FBXO31: variants seen among roughly 807,000 people sequenced by gnomAD.
FBXO31 encodes F-box protein 31, also known as F-box only protein 31.
In FBXO31, 24 loss-of-function variants were observed where a neutral mutation model predicts 54.4. The observed-to-expected ratio is 0.44, with a 90% CI of 0.32 to 0.62. The LOEUF (loss-of-function observed/expected upper bound fraction) is 0.62, where lower values mean the gene tolerates loss of function less well. Among genes scored for constraint, FBXO31 ranks in the 20% least tolerant of loss-of-function variants. FBXO31 has a pLI of 0.05. For synonymous variants in FBXO31, 388 were observed against 335.6 expected (o/e 1.16, Z -1.71); for missense variants, 665 against 787.1 (o/e 0.84, Z 1.86).
chr16:87,352,284 C>T (rs1905695500), intron 2 of FBXO31, among the ~76,000 whole-genome samples: 2 of 152,132 alleles, frequency 1.3e-5, no homozygotes, highest in Non-Finnish European at 2.9e-5. Context: ...CTGCTTTGAA[C>T]GTTACGCAGT....
intron 4 of FBXO31, 151 bp downstream of exon 4, chr16:87,343,447 C>T (rs1053811233): frequency 4.4e-5 from 41 of 937,890 alleles, no homozygotes; most frequent in Middle Eastern, 3.4e-4. Context: ...GAGGCGTAAA[C>T]AATGCACAGC....
In FBXO31 at chr16:87,331,488, C is replaced by T; in HGVS notation, c.1420G>A (p.Ala474Thr). ...TCAGGGCTGGTGAAGCCGTGGCCCG[C>T]GATGAGGCCTGTGCCATAAAAACTG... ...RMCFYGTGLI[A>T]GHGFTSPERT... Residue 474 changes from alanine (A) to threonine (T), a missense_variant, in exon 9 of 9, where the codon GCG becomes ACG. By Grantham distance (58) the Ala-to-Thr change is moderately conservative (BLOSUM62 0). Transcript: ENST00000311635. 6.2e-7 allele frequency: 1 copy of T among 1,610,002 alleles called. No homozygotes were observed. Among genetic ancestry groups the T allele is most frequent in the Non-Finnish European group, 8.5e-7 (1 of 1,177,410 alleles).
At chr16:87,342,837 G>C in intron 5 of FBXO31, 40 bp downstream of exon 5, 1 of 1,552,666 alleles carries the variant, frequency 6.4e-7, no homozygotes. Context: ...GAAAGGAAAG[G>C]TCCGCACCAT....
At chr16:87,379,730 G>A (rs750841879) in intron 1 of FBXO31, among the ~76,000 whole-genome samples, 1 of 151,862 alleles carries the variant, frequency 6.6e-6, no homozygotes, top group Non-Finnish European at 1.5e-5. Flanking sequence ...TGGGATTACA[G>A]ACGCCCACCA....
chr16:87,327,716 A>C lies in FBXO31; in HGVS notation c.*3572T>G, dbSNP rs1904697742. ...CTATCTGCTGCTTGCATCTTCTCTA[A>C]ATAATTACGGGGATGAGGAGTCCAG... On this transcript the variant is annotated 3_prime_UTR_variant, in exon 9 of 9. Transcript: ENST00000311635. 1.3e-5 allele frequency: 2 copies of C among 152,216 alleles called. No individual in the cohort carries two copies. Among genetic ancestry groups the C allele is most frequent in the African/African-American group, 4.8e-5 (2 of 41,394 alleles). The allele number at this position is 152,216 out of a possible 1,614,324, so 9.4% of individuals were successfully genotyped here. A position where few individuals can be genotyped will look rare whatever the true frequency, so the allele number is the denominator to read the frequency against.
intron 8 of FBXO31, 29 bp from the exon 9 acceptor site, chr16:87,331,539 G>A: frequency 6.4e-7 from 1 of 1,558,244 alleles, no homozygotes; most frequent in Non-Finnish European, 8.7e-7. Context: ...GAAACTGTGA[G>A]CTGGGGGAGG....
rs554388767 is a variant in FBXO31 at position 87,331,720 on chromosome 16, G to A, written c.1398-210C>T. ...TCTGAAGGGGTAGCTAAGGGCGCAG[G>A]CCGAGCCCACCTGATGATGGACGCA... On this transcript the variant is annotated intron_variant, in intron 8 of 8. Coordinates refer to ENST00000311635, the MANE Select transcript of FBXO31 (RefSeq NM_024735.5). 2.0e-5 allele frequency among the ~76,000 whole-genome samples: 3 copies of A among 152,368 alleles called. No individual in the cohort carries two copies. In the East Asian group the frequency reaches 5.8e-4, roughly 29 times the overall value.
rs1191484561 is a variant in FBXO31 at position 87,346,354 on chromosome 16, G to A, written c.489+820C>T. Among the ~76,000 whole-genome samples, 2 of 152,172 alleles carry A rather than the reference G, an allele frequency of 1.3e-5. No individual in the cohort carries two copies. The highest frequency in any genetic ancestry group is 2.1e-4 in the South Asian group (1 of 4,824). ...GGCATCCAACACGCCTGGAGATCAG[G>A]AGAAAAGGCGGGGGCTAGACTCGAA... On this transcript the variant is annotated intron_variant, in intron 3 of 8. Transcript: ENST00000311635. The surrounding 1 kb of genome is among the most constrained non-coding windows in gnomAD (Gnocchi z 4.2).
chr16:87,375,303 T>C (rs1906776817), intron 1 of FBXO31, among the ~76,000 whole-genome samples: 1 of 151,012 alleles, frequency 6.6e-6, no homozygotes, highest in Non-Finnish European at 1.5e-5. Context: ...CGAGACGCCG[T>C]CTCAAAAAAC....
intron 5 of FBXO31, among the ~76,000 whole-genome samples, chr16:87,340,581 C>G (rs1015172550): frequency 2.6e-5 from 4 of 152,220 alleles, no homozygotes; most frequent in Non-Finnish European, 5.9e-5. Flanking sequence ...CATTTGTAAA[C>G]ATATGTGCTT....
chr16:87,388,913 C>T (rs1405583553), intron 1 of FBXO31, among the ~76,000 whole-genome samples: 1 of 152,190 alleles, frequency 6.6e-6, no homozygotes, highest in Non-Finnish European at 1.5e-5. Context: ...TGGATTATTA[C>T]AGGGAACATT....
intron 8 of FBXO31, 100 bp downstream of exon 8, chr16:87,333,786 G>A: frequency 6.7e-7 from 1 of 1,488,472 alleles, no homozygotes; most frequent in Non-Finnish European, 9.0e-7. Context: ...CCCTCTGTGA[G>A]GTCACAGGCC....
chr16:87,336,317 G>A lies in FBXO31; in HGVS notation c.733-53C>T. ...TCCATATGACAGGAGGCTGTGAAGA[G>A]GCTGCCGGCTGTGCCGCTGAGAGGA... On this transcript the variant is annotated intron_variant, in intron 5 of 8. Coordinates refer to ENST00000311635, the MANE Select transcript of FBXO31 (RefSeq NM_024735.5). The surrounding 1 kb of genome is among the most constrained non-coding windows in gnomAD (Gnocchi z 6.5). 6.5e-7 allele frequency: 1 copy of A among 1,530,502 alleles called. No homozygotes were observed. The highest frequency in any genetic ancestry group is 9.0e-7 in the Non-Finnish European group (1 of 1,108,130). 94.8% of individuals were successfully genotyped at this position (1,530,502 alleles called of 1,614,324 possible).
chr16:87,383,588 C>T lies in FBXO31; in HGVS notation c.157G>A (p.Gly53Ser), dbSNP rs1907185850. The T allele has an allele frequency of 1.4e-6, 2 of 1,479,944 alleles. No homozygotes were observed. Among genetic ancestry groups the T allele is most frequent in the Non-Finnish European group, 1.8e-6 (2 of 1,121,204 alleles). The allele number at this position is 1,479,944 out of a possible 1,614,324, so 91.7% of individuals were successfully genotyped here. A position where few individuals can be genotyped will look rare whatever the true frequency, so the allele number is the denominator to read the frequency against. The change falls in exon 1 of 9, where the codon GGC becomes AGC. Residue 53 changes from glycine (G) to serine (S), a missense_variant. Physicochemically the swap from Gly to Ser is moderately conservative, Grantham distance 56. This residue lies in a region of FBXO31 where 195 missense variants were observed against 174.8 expected (regional missense o/e 1.12). Transcript: ENST00000311635. The surrounding 1 kb of genome is among the most constrained non-coding windows in gnomAD (Gnocchi z 4.9). ...RIEASAGVGG[G>S]LCAGPSPPPP... ...GGCGGCGAGGGGCCCGCGCACAAGC[C>T]GCCCCCGACCCCGGCGCTAGCCTCG...
At chr16:87,381,016 T>C (rs1043953124) in intron 1 of FBXO31, among the ~76,000 whole-genome samples, 3 of 152,222 alleles carry the variant, frequency 2.0e-5, no homozygotes, top group South Asian at 2.1e-4. Context: ...CACACAGGTC[T>C]GGCCGCCTAA....
intron 2 of FBXO31, among the ~76,000 whole-genome samples, chr16:87,349,057 G>T (rs1000659802): frequency 6.6e-6 from 1 of 152,164 alleles, no homozygotes. Flanking sequence ...AGAAAACACT[G>T]TGAAGACAAA....
chr16:87,390,440 T>C (rs1185835848), upstream of FBXO31, among the ~76,000 whole-genome samples: 2 of 151,882 alleles, frequency 1.3e-5, no homozygotes, highest in African/African-American at 4.8e-5. Context: ...AGAAATATAT[T>C]TTCTTTCTTT....
intron 2 of FBXO31, among the ~76,000 whole-genome samples, chr16:87,349,539 G>A (rs254301): frequency 5.3e-5 from 8 of 152,208 alleles, no homozygotes; most frequent in East Asian, 3.9e-4. Flanking sequence ...GTGAAACCCC[G>A]TCTCTACTTA....
At chr16:87,354,563 C>CT (rs1296348371) in intron 2 of FBXO31, among the ~76,000 whole-genome samples, 1 of 152,142 alleles carries the variant, frequency 6.6e-6, no homozygotes, top group Non-Finnish European at 1.5e-5. Context: ...CAGGCTTCCC[C>CT]TTAACACTCC....
Sources: gnomAD v4.1 joint callset for allele counts (sites outside exome capture counted in the v4.1 genomes callset) on GRCh38, gnomAD v4.1.1 for gene constraint, gnomAD v4.1.1 regional missense constraint, Gnocchi (gnomAD v3.1) non-coding constraint, MANE v1.5 for transcripts, NCBI Gene and HGNC (gene_info 2026-07-23, HGNC 2026-07-21) for gene names.